The following SH3BGRL variants were observed in gnomAD, a reference collection of about 807,000 sequenced individuals.
SH3BGRL encodes the protein SH3 domain binding glutamate rich protein like.
A neutral mutation model predicts 9.8 loss-of-function variants in SH3BGRL; 7 were observed. The ratio of observed to expected loss-of-function variants is 0.72; its 90% CI spans 0.41 to 1.35. SH3BGRL has a LOEUF of 1.35. Among genes scored for constraint, SH3BGRL ranks in the 40% most tolerant of loss-of-function variants. SH3BGRL has a pLI of 0.01. For synonymous variants in SH3BGRL, 36 were observed against 29.1 expected (o/e 1.24, Z -0.76); for missense variants, 73 against 84.4 (o/e 0.86, Z 0.53).
intron 3 of SH3BGRL, among the ~76,000 whole-genome samples, chrX:81,291,289 C>G (rs756549520): frequency 1.9e-4 from 21 of 111,407 alleles, no homozygotes; most frequent in Non-Finnish European, 4.0e-4. Context: ...ATAAAGCAGA[C>G]ATGGCTTGGG....
At position 81,219,632 on chromosome X, in the gene SH3BGRL, C is replaced by T. The variant is rs1475097821; in HGVS notation, c.45+17387C>T. ...TTTATGTCTTTCTCTTGTCTGATTG[C>T]TCTAGCTAGGGCTTTTAGTAGTATG... On this transcript the variant is annotated intron_variant, in intron 1 of 3. Coordinates refer to ENST00000373212, the MANE Select transcript of SH3BGRL (RefSeq NM_003022.3). 2.2e-4 allele frequency among the ~76,000 whole-genome samples: 25 copies of T among 111,574 alleles called. 1 individual carries two copies. The Admixed American group carries it at 2.4e-3, about 11-fold the overall frequency.
At chrX:81,237,298 C>T (rs1254706978) in intron 1 of SH3BGRL, 2 of 325,994 alleles carry the variant, frequency 6.1e-6, no homozygotes, top group Admixed American at 3.2e-5. Context: ...CTCATAGTAC[C>T]TGGTTTTAAC....
chrX:81,258,339 A>C (rs1331106750), intron 1 of SH3BGRL, among the ~76,000 whole-genome samples: 1 of 112,088 alleles, frequency 8.9e-6, no homozygotes, highest in Non-Finnish European at 1.9e-5. Context: ...ACAACAGAAC[A>C]CAGTTACATA....
At chrX:81,227,182 C>G (rs1056219597) in intron 1 of SH3BGRL, among the ~76,000 whole-genome samples, 10 of 111,733 alleles carry the variant, frequency 8.9e-5, no homozygotes, top group African/African-American at 3.2e-4. Context: ...AAAAATGGAG[C>G]ATCAAAAATC....
intron 1 of SH3BGRL, among the ~76,000 whole-genome samples, chrX:81,211,551 C>G (rs1408730033): frequency 1.8e-4 from 20 of 110,543 alleles, no homozygotes; most frequent in Non-Finnish European, 3.8e-4. Flanking sequence ...CGTGCCACTG[C>G]ACTCCAGCCT....
intron 1 of SH3BGRL, among the ~76,000 whole-genome samples, chrX:81,262,100 C>T (rs776582044): frequency 9.0e-6 from 1 of 111,301 alleles, no homozygotes; most frequent in Non-Finnish European, 1.9e-5. Context: ...CTGATTACAG[C>T]CACCTTACTT....
chrX:81,241,750 G>T (rs1483682517), intron 1 of SH3BGRL, among the ~76,000 whole-genome samples: 3 of 112,122 alleles, frequency 2.7e-5, no homozygotes, highest in Non-Finnish European at 5.6e-5. Flanking sequence ...ATCCTCTTTG[G>T]GGCTCTGCAG....
At chrX:81,255,811 AT>A (rs2075724033) in intron 1 of SH3BGRL, among the ~76,000 whole-genome samples, 1 of 112,407 alleles carries the variant, frequency 8.9e-6, no homozygotes, top group African/African-American at 3.2e-5. Context: ...GCCTTAAAAT[AT>A]TTTTGTTGTA....
intron 1 of SH3BGRL, among the ~76,000 whole-genome samples, chrX:81,240,421 A>G (rs954986585): frequency 9.8e-5 from 11 of 112,372 alleles, no homozygotes; most frequent in African/African-American, 3.6e-4. Context: ...ACAATCTGAA[A>G]AAGAAATAAA....
At chrX:81,249,870 A>T (rs750746174) in intron 1 of SH3BGRL, among the ~76,000 whole-genome samples, 30 of 111,406 alleles carry the variant, frequency 2.7e-4, no homozygotes, top group Non-Finnish European at 4.9e-4. Flanking sequence ...GTACAAAGGA[A>T]TTTTGGGGGG....
intron 1 of SH3BGRL, among the ~76,000 whole-genome samples, chrX:81,236,492 C>A (rs745649128): frequency 1.3e-4 from 14 of 111,297 alleles, no homozygotes; most frequent in Admixed American, 3.8e-4. Context: ...ATGAGTAACA[C>A]CTGCTTCAAA....
In SH3BGRL at chrX:81,260,864, A is replaced by C. The variant is rs192397975; in HGVS notation, c.46-16120A>C. ...TCCTAACATTATTAGGCAGGAGTCG[A>C]ACACTGATCCTTCCCTAGAAGCAGA... On this transcript the variant is annotated intron_variant, in intron 1 of 3. Coordinates refer to ENST00000373212, the MANE Select transcript of SH3BGRL (RefSeq NM_003022.3). Among the ~76,000 whole-genome samples, 4 of 111,135 alleles carry C rather than the reference A, an allele frequency of 3.6e-5. No homozygotes were observed. The Admixed American group carries it at 3.8e-4, about 11-fold the overall frequency.
intron 1 of SH3BGRL, among the ~76,000 whole-genome samples, chrX:81,215,744 C>G (rs1358928417): frequency 9.0e-6 from 1 of 111,536 alleles, no homozygotes; most frequent in Non-Finnish European, 1.9e-5. Flanking sequence ...AATGACAGTT[C>G]TGAAAAGTGA....
At chrX:81,202,711 A>T (rs907313985) in intron 1 of SH3BGRL, 6 of 244,410 alleles carry the variant, frequency 2.5e-5, no homozygotes, top group African/African-American at 1.8e-4. Flanking sequence ...AGGCATTGTA[A>T]TTATTCTGGG....
chrX:81,277,423 A>G (rs1430781043), intron 2 of SH3BGRL, among the ~76,000 whole-genome samples: 1 of 112,537 alleles, frequency 8.9e-6, no homozygotes, highest in Non-Finnish European at 1.9e-5. Context: ...GTGGCTTATA[A>G]GATGACAGTA....
At chrX:81,271,158 C>T (rs1199787543) in intron 1 of SH3BGRL, among the ~76,000 whole-genome samples, 1 of 111,931 alleles carries the variant, frequency 8.9e-6, no homozygotes, top group Non-Finnish European at 1.9e-5. Flanking sequence ...TAACTCACAG[C>T]TTTCCTTGGC....
At chrX:81,288,998 A>C (rs1179802571) in intron 3 of SH3BGRL, among the ~76,000 whole-genome samples, 1 of 112,330 alleles carries the variant, frequency 8.9e-6, no homozygotes, top group Non-Finnish European at 1.9e-5. Context: ...ACAAAACTAG[A>C]GGAATCACAT....
At chrX:81,275,306 C>T (rs940871520) in intron 1 of SH3BGRL, among the ~76,000 whole-genome samples, 9 of 110,987 alleles carry the variant, frequency 8.1e-5, no homozygotes, top group African/African-American at 2.6e-4. Flanking sequence ...CACACGTTGC[C>T]CAGGCCAGTC....
chrX:81,284,162 AT>A (rs2075826941), intron 3 of SH3BGRL, among the ~76,000 whole-genome samples: 2 of 111,326 alleles, frequency 1.8e-5, no homozygotes, highest in Admixed American at 9.6e-5. Flanking sequence ...GAAAGAAATC[AT>A]AGATAACACA....
Sources: gnomAD v4.1 joint callset for allele counts (sites outside exome capture counted in the v4.1 genomes callset) on GRCh38, gnomAD v4.1.1 for gene constraint, MANE v1.5 for transcripts, NCBI Gene and HGNC (gene_info 2026-07-23, HGNC 2026-07-21) for gene names.